The following FARS2 variants were observed in gnomAD, a reference collection of about 807,000 sequenced individuals.
FARS2 encodes phenylalanine--tRNA ligase, mitochondrial.
A neutral mutation model predicts 46.4 loss-of-function variants in FARS2; 40 were observed. The observed-to-expected ratio is 0.86, with a 90% CI of 0.67 to 1.12. The LOEUF is 1.12. FARS2 is among the 50% of genes most tolerant of loss of function. The probability of loss-of-function intolerance (pLI) is 0.00; values close to 1 mark genes in which losing one functional copy is unlikely to be tolerated. For synonymous variants in FARS2, 234 were observed against 214.9 expected, an observed-to-expected ratio of 1.09 and a Z score of -0.78; for missense variants, 513 against 567.9, an observed-to-expected ratio of 0.90 and a Z score of 0.98.
chr6:5,501,554 T>C (rs1193321100), intron 4 of FARS2, among the ~76,000 whole-genome samples: 1 of 152,300 alleles, frequency 6.6e-6, no homozygotes, highest in Non-Finnish European at 1.5e-5. Flanking sequence ...TGGAGTGCAG[T>C]GGCGTGATCT....
chr6:5,727,722 GA>G lies in FARS2; in HGVS notation c.1218-43568del, dbSNP rs1760355159. ...AGTTCACAGATTGGAGTGCCACAGGGATCATATTTTCAGGTGCATTTTCTTC... is the reference window on the plus strand; with the variant it reads ...AGTTCACAGATTGGAGTGCCACAGGGTCATATTTTCAGGTGCATTTTCTTC... On this transcript the variant is annotated intron_variant, in intron 6 of 6. Transcript: ENST00000274680. The surrounding 1 kb of genome is among the most constrained non-coding windows in gnomAD (Gnocchi z 4.1). 6.6e-6 allele frequency among the ~76,000 whole-genome samples: 1 copy of G among 152,198 alleles called. No individual in the cohort carries two copies. Among genetic ancestry groups the G allele is most frequent in the African/African-American group, 2.4e-5 (1 of 41,456 alleles).
intron 4 of FARS2, among the ~76,000 whole-genome samples, chr6:5,486,740 C>A (rs191072483): frequency 6.6e-6 from 1 of 152,264 alleles, no homozygotes; most frequent in South Asian, 2.1e-4. Flanking sequence ...CCTTCATCCC[C>A]CGTGGTCAGC....
chr6:5,717,590 T>C (rs1476406934), intron 6 of FARS2, among the ~76,000 whole-genome samples: 1 of 152,068 alleles, frequency 6.6e-6, no homozygotes, highest in Non-Finnish European at 1.5e-5. Flanking sequence ...TTTAAGTTCA[T>C]TTGGTTTGGG....
intron 1 of FARS2, among the ~76,000 whole-genome samples, chr6:5,321,159 G>A (rs764801196): frequency 6.6e-6 from 1 of 152,154 alleles, no homozygotes; most frequent in Non-Finnish European, 1.5e-5. Flanking sequence ...TTGTTCTTGG[G>A]TCACTTGTAC....
intron 4 of FARS2, chr6:5,457,058 G>A (rs1160984317): frequency 6.6e-6 from 1 of 152,256 alleles, no homozygotes; most frequent in Non-Finnish European, 1.5e-5. Flanking sequence ...ACGAATACTT[G>A]CTTGTCCAGC....
At chr6:5,318,386 C>CAA (rs1769699670) in intron 1 of FARS2, among the ~76,000 whole-genome samples, 1 of 65,774 alleles carries the variant, frequency 1.5e-5, no homozygotes, top group African/African-American at 9.4e-5. Flanking sequence ...CAAAAAAAAA[C>CAA]CAAAAAAAAA....
At chr6:5,331,089 A>G (rs1770765843) in intron 1 of FARS2, among the ~76,000 whole-genome samples, 1 of 145,842 alleles carries the variant, frequency 6.9e-6, no homozygotes. Flanking sequence ...TGGGTGACAG[A>G]GTGAAACTCC....
intron 6 of FARS2, among the ~76,000 whole-genome samples, chr6:5,660,286 G>A (rs1319159455): frequency 6.6e-6 from 1 of 152,168 alleles, no homozygotes; most frequent in East Asian, 1.9e-4. Context: ...TAACTTTCAT[G>A]GAATAATCAC....
At chr6:5,261,070 A>G (rs963248189), upstream of FARS2, 2 of 525,386 alleles carry the variant, frequency 3.8e-6, no homozygotes, top group African/African-American at 2.1e-5. Context: ...GGGAAATAAG[A>G]GGACTGGCCG....
chr6:5,585,343 G>A (rs1439650904), intron 5 of FARS2, among the ~76,000 whole-genome samples: 4 of 151,968 alleles, frequency 2.6e-5, no homozygotes, highest in African/African-American at 7.3e-5. Context: ...GACAACTGAC[G>A]TCTGCTCTCA....
intron 5 of FARS2, among the ~76,000 whole-genome samples, chr6:5,598,592 T>A (rs561352597): frequency 2.0e-4 from 31 of 152,126 alleles, no homozygotes; most frequent in African/African-American, 6.5e-4. Flanking sequence ...CCAAAAGGGG[T>A]ACAAAACAAT....
intron 1 of FARS2, among the ~76,000 whole-genome samples, chr6:5,286,567 C>G (rs899573605): frequency 6.6e-6 from 1 of 152,082 alleles, no homozygotes; most frequent in Non-Finnish European, 1.5e-5. Context: ...CCAATCTGTA[C>G]TTCTATTCAG....
At chr6:5,260,693 C>G, upstream of FARS2, 2 of 1,554,954 alleles carry the variant, frequency 1.3e-6, no homozygotes, top group Non-Finnish European at 1.7e-6. Flanking sequence ...CAGCATCGCC[C>G]GGTACAGAGA....
At chr6:5,467,180 C>T in intron 4 of FARS2, 1 of 602,468 alleles carries the variant, frequency 1.7e-6, no homozygotes, top group East Asian at 1.4e-4. Context: ...CATTTTTTGA[C>T]TGTATGAATT....
rs373875983 is a variant in FARS2 at position 5,598,393 on chromosome 6, C to A, written c.1066-14776C>A. 1.3e-3 allele frequency among the ~76,000 whole-genome samples: 191 copies of A among 152,222 alleles called. 3 individuals are homozygous for A. The South Asian group carries it at 0.022, about 18-fold the overall frequency. ...GGGAGACCTTGTCTCCAAAATCAAT[C>A]AATAAATAAATGAGTAAGTAAGTAT... On this transcript the variant is annotated intron_variant, in intron 5 of 6. Transcript: ENST00000274680.
intron 2 of FARS2, among the ~76,000 whole-genome samples, chr6:5,394,807 C>T (rs112974211): frequency 4.0e-5 from 6 of 151,802 alleles, no homozygotes; most frequent in Non-Finnish European, 8.8e-5. Context: ...CCTTAAATAA[C>T]TGCAATATAA....
chr6:5,763,475 A>C (rs774444739), intron 6 of FARS2, among the ~76,000 whole-genome samples: 3 of 152,090 alleles, frequency 2.0e-5, no homozygotes, highest in Non-Finnish European at 2.9e-5. Context: ...TAAATAAATA[A>C]AAGGATCTCT....
intron 4 of FARS2, among the ~76,000 whole-genome samples, chr6:5,525,708 C>G (rs1431627643): frequency 6.6e-6 from 1 of 152,230 alleles, no homozygotes; most frequent in African/African-American, 2.4e-5. Context: ...CCTTAAGATA[C>G]TTGGGAATAG....
chr6:5,266,073 T>G (rs1180046155), intron 1 of FARS2, among the ~76,000 whole-genome samples: 1 of 152,080 alleles, frequency 6.6e-6, no homozygotes, highest in Non-Finnish European at 1.5e-5. Context: ...TTGAAAGGAA[T>G]TGAAGGATTT....
Sources: allele counts gnomAD v4.1 joint callset (sites outside exome capture counted in the v4.1 genomes callset), GRCh38; gene constraint gnomAD v4.1.1; non-coding constraint Gnocchi (gnomAD v3.1); transcripts MANE v1.5; gene names NCBI Gene and HGNC (gene_info 2026-07-23, HGNC 2026-07-21).